Variants in VAV3 observed in about 807,000 individuals in gnomAD.
VAV3 encodes vav guanine nucleotide exchange factor 3.
A neutral mutation model predicts 131.2 loss-of-function variants in VAV3; 94 were observed. That is an observed-to-expected ratio of 0.72 (90% CI 0.61 to 0.85). The LOEUF is 0.85. Ranked by LOEUF, VAV3 falls within the 40% of genes least tolerant of loss-of-function variation. VAV3 has a pLI of 0.00. For missense variants in VAV3, 939 were observed against 1,002.7 expected (o/e 0.94, Z 0.86); for synonymous variants, 349 against 342.0 (o/e 1.02, Z -0.22).
intron 15 of VAV3, among the ~76,000 whole-genome samples, chr1:107,728,806 C>G (rs1662036480): frequency 6.6e-6 from 1 of 151,994 alleles, no homozygotes; most frequent in East Asian, 1.9e-4. Context: ...AACAATAATG[C>G]AAGCCGAGGG....
chr1:107,761,706 ACT>A (rs752954188), intron 9 of VAV3, among the ~76,000 whole-genome samples: 2 of 152,004 alleles, frequency 1.3e-5, no homozygotes, highest in Non-Finnish European at 2.9e-5. Context: ...AATTGGGTGT[ACT>A]CTCTCTCTGT....
intron 1 of VAV3, among the ~76,000 whole-genome samples, chr1:107,918,860 C>G (rs914623786): frequency 2.6e-5 from 4 of 151,718 alleles, no homozygotes; most frequent in Non-Finnish European, 4.4e-5. Context: ...CATCCACCAC[C>G]ATGCCCAGCT....
chr1:107,814,799 A>G (rs967647102), intron 2 of VAV3, among the ~76,000 whole-genome samples: 4 of 152,200 alleles, frequency 2.6e-5, no homozygotes, highest in African/African-American at 9.6e-5. Flanking sequence ...TCTAGCAGCA[A>G]TTTGCAGGAC....
intron 1 of VAV3, among the ~76,000 whole-genome samples, chr1:107,890,963 A>G (rs2101059729): frequency 6.6e-6 from 1 of 152,180 alleles, no homozygotes; most frequent in Non-Finnish European, 1.5e-5. Context: ...GTAGGGTTTT[A>G]TTATTTTGGT....
chr1:107,637,579 C>T (rs1022620801), intron 20 of VAV3, among the ~76,000 whole-genome samples: 5 of 152,134 alleles, frequency 3.3e-5, no homozygotes, highest in Admixed American at 3.3e-4. Flanking sequence ...GCCGTGATCC[C>T]GCCGCTGCAC....
intron 2 of VAV3, among the ~76,000 whole-genome samples, chr1:107,843,498 CTGT>C (rs1361301895): frequency 6.7e-6 from 1 of 148,518 alleles, no homozygotes; most frequent in Non-Finnish European, 1.5e-5. Flanking sequence ...TAGAATTACA[CTGT>C]TGAGATTAAA....
At chr1:107,910,800 C>T (rs1302156178) in intron 1 of VAV3, among the ~76,000 whole-genome samples, 1 of 151,988 alleles carries the variant, frequency 6.6e-6, no homozygotes, top group African/African-American at 2.4e-5. Context: ...GGCAACATAG[C>T]AAAACCCCAT....
At chr1:107,801,116 G>A (rs1267592254) in intron 2 of VAV3, among the ~76,000 whole-genome samples, 1 of 151,976 alleles carries the variant, frequency 6.6e-6, no homozygotes, top group Non-Finnish European at 1.5e-5. Context: ...TGTCTAACAT[G>A]AGTTGGCTGT....
At chr1:107,599,177 C>A (rs1240114127) in intron 24 of VAV3, among the ~76,000 whole-genome samples, 1 of 152,170 alleles carries the variant, frequency 6.6e-6, no homozygotes, top group Admixed American at 6.5e-5. Context: ...CACTCTTTAT[C>A]ACTTCACTAA....
At chr1:107,749,658 T>G (rs534266212) in intron 13 of VAV3, 64 bp from the exon 14 acceptor site, 198 of 1,560,746 alleles carry the variant, frequency 1.3e-4, no homozygotes, top group Admixed American at 4.3e-4. Context: ...TTAATTTTTT[T>G]GGGTATAAAG....
chr1:107,907,951 A>G (rs1672183126), intron 1 of VAV3, among the ~76,000 whole-genome samples: 1 of 152,244 alleles, frequency 6.6e-6, no homozygotes, highest in Non-Finnish European at 1.5e-5. Flanking sequence ...GCAAATTACC[A>G]AACAGCATAT....
intron 21 of VAV3, among the ~76,000 whole-genome samples, chr1:107,617,337 AG>A (rs1478054205): frequency 6.6e-6 from 1 of 152,138 alleles, no homozygotes; most frequent in Non-Finnish European, 1.5e-5. Flanking sequence ...TAGACTACTT[AG>A]TTATATAAAT....
intron 1 of VAV3, among the ~76,000 whole-genome samples, chr1:107,893,273 G>C (rs1222463399): frequency 6.6e-6 from 1 of 151,884 alleles, no homozygotes; most frequent in African/African-American, 2.4e-5. Context: ...TTAAACATTT[G>C]CTCCTTTTTA....
At chr1:107,696,248 A>G (rs1659738242) in intron 17 of VAV3, among the ~76,000 whole-genome samples, 1 of 152,222 alleles carries the variant, frequency 6.6e-6, no homozygotes, top group South Asian at 2.1e-4. Flanking sequence ...CAACCAAATC[A>G]AGATAATTAG....
At position 107,933,883 on chromosome 1, in the gene VAV3, A is replaced by G. The variant is rs150127668; in HGVS notation, c.204+30783T>C. 1.6e-3 allele frequency among the ~76,000 whole-genome samples: 239 copies of G among 151,966 alleles called. 1 individual carries two copies. The highest frequency in any genetic ancestry group is 2.9e-3 in the Non-Finnish European group (200 of 67,964). On this transcript the variant is annotated intron_variant, in intron 1 of 26. Transcript: ENST00000370056. ...CGATTTTAAAAAGCATGCTATCTGT[A>G]GGTAAAGCAATGTTTCCACAGTCAT... is the stretch of plus-strand genomic sequence containing the variant.
chr1:107,822,812 T>C (rs1667858204), intron 2 of VAV3, among the ~76,000 whole-genome samples: 1 of 152,172 alleles, frequency 6.6e-6, no homozygotes, highest in Non-Finnish European at 1.5e-5. Flanking sequence ...ATTCCTTCTA[T>C]AATAATTATG....
At chr1:107,821,893 T>C (rs1426658138) in intron 2 of VAV3, among the ~76,000 whole-genome samples, 1 of 152,216 alleles carries the variant, frequency 6.6e-6, no homozygotes, top group Admixed American at 6.5e-5. Context: ...CAAAGCTATC[T>C]TAGGGGAAGA....
Position 107,617,560 on chromosome 1 carries a change from T to G in VAV3, c.1980+7A>C. The G allele has an allele frequency of 6.2e-7, 1 of 1,608,508 alleles. No individual in the cohort carries two copies. Among genetic ancestry groups the G allele is most frequent in the Admixed American group, 1.7e-5 (1 of 59,604 alleles). ...AAGCAAGAGAAAATTAAGATACTAATACTTACACATGGGCAAGGCTTGACT... is the reference window on the plus strand; with the variant it reads ...AAGCAAGAGAAAATTAAGATACTAAGACTTACACATGGGCAAGGCTTGACT... On this transcript the variant is annotated splice_region_variant and intron_variant, in intron 21 of 26. Transcript: ENST00000370056.
At chr1:107,588,927 C>CG in intron 25 of VAV3, among the ~76,000 whole-genome samples, 1 of 152,150 alleles carries the variant, frequency 6.6e-6, no homozygotes, top group South Asian at 2.1e-4. Context: ...TAGGAGCCTG[C>CG]ATTGGCTAGA....
Sources: gnomAD v4.1 joint callset for allele counts (sites outside exome capture counted in the v4.1 genomes callset) on GRCh38, gnomAD v4.1.1 for gene constraint, MANE v1.5 for transcripts, NCBI Gene and HGNC (gene_info 2026-07-23, HGNC 2026-07-21) for gene names.